CREBRF: variants seen among roughly 807,000 people sequenced by gnomAD.
CREBRF encodes the protein CREB3 regulatory factor, also known as UPF0474 protein C5orf41.
Under a neutral mutation model 66.1 loss-of-function variants are expected in CREBRF, and 5 were observed. That is an observed-to-expected ratio of 0.08 (90% CI 0.04 to 0.16). The LOEUF (loss-of-function observed/expected upper bound fraction) is 0.16, where lower values mean the gene tolerates loss of function less well. CREBRF is among the 10% of genes least tolerant of loss of function. The pLI, the probability that CREBRF is intolerant of heterozygous loss-of-function variation, is 1.00. For synonymous variants in CREBRF, 229 were observed against 264.4 expected, an observed-to-expected ratio of 0.87 and a Z score of 1.30; for missense variants, 531 against 744.9, an observed-to-expected ratio of 0.71 and a Z score of 3.34.
intron 1 of CREBRF, among the ~76,000 whole-genome samples, chr5:173,059,495 C>G (rs1284804425): frequency 6.6e-6 from 1 of 151,844 alleles, no homozygotes; most frequent in Non-Finnish European, 1.5e-5. Flanking sequence ...AACTCCTGAC[C>G]TAAGGTGATC....
chr5:173,065,368 A>T (rs1456857334), intron 1 of CREBRF, among the ~76,000 whole-genome samples: 1 of 152,018 alleles, frequency 6.6e-6, no homozygotes, highest in East Asian at 1.9e-4. Context: ...TTTAGGAGGA[A>T]ATAGCTTTTT....
rs2113775891 is a variant in CREBRF at position 173,112,231 on chromosome 5, C to G, written c.1608-75C>G. 2.9e-6 allele frequency: 3 copies of G among 1,051,100 alleles called. No individual in the cohort carries two copies. In the Middle Eastern group the frequency reaches 9.7e-4, roughly 338 times the overall value. 65.1% of individuals were successfully genotyped at this position (1,051,100 alleles called of 1,614,324 possible). A position where few individuals can be genotyped will look rare whatever the true frequency, so the allele number is the denominator to read the frequency against. On this transcript the variant is annotated intron_variant, in intron 6 of 8. Transcript: ENST00000296953. ...GTAGCCTGGGCAACATAGCGAGACC[C>G]CTTCTCCGTAATTAAAAATAATAAA... is the stretch of plus-strand genomic sequence containing the variant.
At chr5:173,080,517 A>C (rs546120912) in intron 1 of CREBRF, 68 bp from the exon 2 acceptor site, 3 of 528,928 alleles carry the variant, frequency 5.7e-6, no homozygotes, top group East Asian at 3.0e-5. Flanking sequence ...TCAAAAGTCA[A>C]CTTTTTTTTT....
intron 1 of CREBRF, among the ~76,000 whole-genome samples, chr5:173,066,969 A>G (rs1757454183): frequency 6.6e-6 from 1 of 151,702 alleles, no homozygotes; most frequent in South Asian, 2.1e-4. Flanking sequence ...TGCCATCATC[A>G]TGCCTGATTA....
At chr5:173,100,082 G>GTGTGTA (rs199600192) in intron 4 of CREBRF, among the ~76,000 whole-genome samples, 5,568 of 66,344 alleles carry the variant, frequency 0.084, 385 homozygotes, top group African/African-American at 0.13. Context: ...AATCTTTTGT[G>GTGTGTA]TGTGTGTGTG....
At position 173,091,362 on chromosome 5, in the gene CREBRF, G is replaced by T; in HGVS notation, c.1183G>T (p.Asp395Tyr). The T allele has an allele frequency of 6.2e-7, 1 of 1,613,804 alleles. No homozygotes were observed. The highest frequency in any genetic ancestry group is 1.1e-5 in the South Asian group (1 of 91,046). Residue 395 changes from aspartate (D) to tyrosine (Y), a missense_variant, in exon 4 of 9, where the codon GAC becomes TAC. By Grantham distance (160) the Asp-to-Tyr change is radical (BLOSUM62 -3). Coordinates refer to ENST00000296953, the MANE Select transcript of CREBRF (RefSeq NM_153607.3). ...AGAAGAGGAAGAGGATTATGAAGAT[G>T]ACAAGGATGATGATATTAGTGATAC... ...EEEEEEDYED[D>Y]KDDDISDTFS...
chr5:173,084,142 A>G (rs1391820412), intron 2 of CREBRF, among the ~76,000 whole-genome samples: 2 of 152,200 alleles, frequency 1.3e-5, no homozygotes, highest in Non-Finnish European at 2.9e-5. Context: ...TATGTTATTA[A>G]ATGAGGCATT....
At chr5:173,132,141 G>A (rs1328079139) in intron 8 of CREBRF, among the ~76,000 whole-genome samples, 6 of 144,826 alleles carry the variant, frequency 4.1e-5, no homozygotes, top group South Asian at 4.5e-4. Context: ...GCTGGAGTGC[G>A]GTGGCACAAT....
In CREBRF at chr5:173,090,976, A is replaced by G. The variant is rs139416404; in HGVS notation, c.797A>G (p.Tyr266Cys). The change falls in exon 4 of 9, where the codon TAC becomes TGC. Residue 266 changes from tyrosine (Y) to cysteine (C), a missense_variant. Tyr to Cys is a radical substitution (Grantham distance 194). Coordinates refer to ENST00000296953, the MANE Select transcript of CREBRF (RefSeq NM_153607.3). This position sits in a 1 kb window ranked among gnomAD's most constrained non-coding sequence, Gnocchi z 4.5. ...HTDAAKENTC[Y>C]CGAVAKRQEK... Reference sequence around the variant, plus strand: ...GATGCAGCAAAGGAGAACACCTGCTACTGTGGTGCAGTGGCAAAGAGACAA... The same window carrying G: ...GATGCAGCAAAGGAGAACACCTGCTGCTGTGGTGCAGTGGCAAAGAGACAA... 3.0e-4 allele frequency: 486 copies of G among 1,614,092 alleles called. No individual in the cohort carries two copies. The highest frequency in any genetic ancestry group is 4.0e-4 in the Non-Finnish European group (469 of 1,180,046).
intron 1 of CREBRF, among the ~76,000 whole-genome samples, chr5:173,080,119 C>T (rs1757894452): frequency 6.6e-6 from 1 of 152,048 alleles, no homozygotes; most frequent in Admixed American, 6.5e-5. Context: ...TGTTAAGTTC[C>T]ATTGCTGACT....
At chr5:173,103,741 C>T (rs935912091) in intron 4 of CREBRF, among the ~76,000 whole-genome samples, 6 of 152,270 alleles carry the variant, frequency 3.9e-5, no homozygotes, top group African/African-American at 1.4e-4. Flanking sequence ...CATGAAATTA[C>T]ATGATTGTAA....
chr5:173,076,976 C>T (rs1450552207), intron 1 of CREBRF, among the ~76,000 whole-genome samples: 1 of 150,964 alleles, frequency 6.6e-6, no homozygotes, highest in Non-Finnish European at 1.5e-5. Flanking sequence ...CAGTGTCTCA[C>T]TCTGTAGCCC....
intron 1 of CREBRF, among the ~76,000 whole-genome samples, chr5:173,064,594 C>T (rs1405690391): frequency 2.9e-5 from 4 of 137,706 alleles, no homozygotes; most frequent in African/African-American, 1.1e-4. Context: ...GAGACAGAGT[C>T]TCGCTCTGTC....
At chr5:173,095,715 A>G (rs1265515506) in intron 4 of CREBRF, among the ~76,000 whole-genome samples, 1 of 151,834 alleles carries the variant, frequency 6.6e-6, no homozygotes, top group Admixed American at 6.6e-5. Flanking sequence ...AACATAGGAT[A>G]TCTTTCTATT....
chr5:173,091,803 G>T (rs1758348234), intron 4 of CREBRF: 1 of 989,734 alleles, frequency 1.0e-6, no homozygotes, highest in South Asian at 4.6e-5. Context: ...TCCTGTTTAG[G>T]GCCAGGCGCA....
intron 3 of CREBRF, among the ~76,000 whole-genome samples, chr5:173,087,001 C>T (rs572701815): frequency 6.7e-6 from 1 of 148,440 alleles, no homozygotes; most frequent in South Asian, 2.1e-4. Context: ...GGCTGGAGTG[C>T]AGTGGTGCGA....
chr5:173,082,901 T>C (rs1230307058), intron 2 of CREBRF, among the ~76,000 whole-genome samples: 7 of 78,398 alleles, frequency 8.9e-5, no homozygotes, highest in Non-Finnish European at 1.6e-4. Flanking sequence ...GGAGCGAGAC[T>C]CTGTCTCAAA....
At chr5:173,059,028 G>T (rs1757175885) in intron 1 of CREBRF, among the ~76,000 whole-genome samples, 1 of 151,368 alleles carries the variant, frequency 6.6e-6, no homozygotes, top group East Asian at 1.9e-4. Context: ...CGAACTTCTG[G>T]CTTTAGGTGA....
Position 173,086,595 on chromosome 5 carries a change from A to C in CREBRF, c.104A>C (p.Asn35Thr), listed in dbSNP as rs958450672. The change falls in exon 3 of 9, where the codon AAC becomes ACC. Residue 35 changes from asparagine to threonine, a missense_variant. Physicochemically the swap from Asn to Thr is moderately conservative, Grantham distance 65. Around this residue, in one of 5 missense-constraint regions of CREBRF, gnomAD observed 133 missense variants for 215.6 expected, o/e 0.62. Transcript: ENST00000296953. ...QTLMSTDLLA[N>T]SSDPDFMYEL... ...CTGATGAGCACAGATCTCTTAGCAA[A>C]CAGTTCGGATCCAGATTTCATGTAT... 6.2e-7 allele frequency: 1 copy of C among 1,613,310 alleles called. No homozygotes were observed. The highest frequency in any genetic ancestry group is 1.7e-5 in the Admixed American group (1 of 59,890).
Sources: gnomAD v4.1 joint callset for allele counts (sites outside exome capture counted in the v4.1 genomes callset) on GRCh38, gnomAD v4.1.1 for gene constraint, gnomAD v4.1.1 regional missense constraint, Gnocchi (gnomAD v3.1) non-coding constraint, MANE v1.5 for transcripts, NCBI Gene and HGNC (gene_info 2026-07-23, HGNC 2026-07-21) for gene names.